Variants in TNFRSF11A observed in about 807,000 individuals in gnomAD.
TNFRSF11A encodes tumor necrosis factor receptor superfamily member 11A.
TNFRSF11A carries 32 observed loss-of-function variants against 55.7 expected under a neutral mutation model. The observed-to-expected ratio is 0.57, with a 90% CI of 0.43 to 0.77. The LOEUF (loss-of-function observed/expected upper bound fraction) is 0.77, where lower values mean the gene tolerates loss of function less well. Among genes scored for constraint, TNFRSF11A ranks in the 30% least tolerant of loss-of-function variants. The probability of loss-of-function intolerance (pLI) is 0.00; values close to 1 mark genes in which losing one functional copy is unlikely to be tolerated. For synonymous variants in TNFRSF11A, 311 were observed against 331.0 expected (o/e 0.94, Z 0.65); for missense variants, 753 against 809.8 (o/e 0.93, Z 0.85).
intron 6 of TNFRSF11A, 97 bp from the exon 7 acceptor site, chr18:62,361,583 T>C: frequency 8.1e-7 from 1 of 1,239,778 alleles, no homozygotes; most frequent in Non-Finnish European, 1.2e-6. Flanking sequence ...CAGACCAACA[T>C]TTTTGATTCT....
intron 9 of TNFRSF11A, among the ~76,000 whole-genome samples, chr18:62,370,714 G>A (rs901117989): frequency 2.0e-5 from 3 of 152,122 alleles, no homozygotes; most frequent in Non-Finnish European, 2.9e-5. Flanking sequence ...CAAAGAACTG[G>A]TATGTTTTCT....
chr18:62,348,058 CAAAAAAAAAAAAA>C (rs201661953), intron 1 of TNFRSF11A, 97 bp from the exon 2 acceptor site: 1 of 639,208 alleles, frequency 1.6e-6, no homozygotes, highest in Non-Finnish European at 2.7e-6. Flanking sequence ...AAACTCCATT[CAAAAAAAAAAAAA>C]AAAAAAAAGT....
Position 62,368,914 on chromosome 18 carries a change from A to C in TNFRSF11A, c.997A>C (p.Thr333Pro), listed in dbSNP as rs1422506456. ...DARMLSLVSK[T>P]EIEEDSFRQM... ...CAGGATGCTCTCATTGGTCAGCAAG[A>C]CCGAGATAGAGGAAGACAGCTTCAG... Residue 333 changes from threonine to proline, a missense_variant, in exon 9 of 10, where the codon ACC becomes CCC. This residue lies in a region of TNFRSF11A where 567 missense variants were observed against 596.7 expected (regional missense o/e 0.95). Transcript: ENST00000586569. 1 of 1,614,246 alleles carries C rather than the reference A, an allele frequency of 6.2e-7. No individual in the cohort carries two copies. Among genetic ancestry groups the C allele is most frequent in the Admixed American group, 1.7e-5 (1 of 60,028 alleles).
intron 3 of TNFRSF11A, among the ~76,000 whole-genome samples, chr18:62,352,675 GA>G (rs2046490940): frequency 6.6e-6 from 1 of 152,238 alleles, no homozygotes; most frequent in African/African-American, 2.4e-5. Context: ...GAATTTTCCA[GA>G]GAAGTGGCAT....
At chr18:62,366,594 A>G (rs1910102637) in intron 7 of TNFRSF11A, 114 bp from the exon 8 acceptor site, 4 of 1,118,332 alleles carry the variant, frequency 3.6e-6, no homozygotes, top group Admixed American at 1.7e-5. Flanking sequence ...TTTACTATCT[A>G]TATTTGTCCT....
rs547088539 is a variant in TNFRSF11A, at chr18:62,369,213, G to A, written c.1296G>A (p.Pro432=). Residue 432 remains proline (P), a synonymous_variant, in exon 9 of 10, where the codon CCG becomes CCA. Coordinates refer to ENST00000586569, the MANE Select transcript of TNFRSF11A (RefSeq NM_003839.4). The stretch of plus-strand genomic sequence containing the variant: ...AAGAGGTGGACAGTGGCCATTGCCC[G>A]CACTGGGCAGCCAGCCCCAGCCCCA... The part of the protein sequence containing the change: ...LQKEVDSGHC[P]HWAASPSPNW... 49 of 1,613,792 alleles carry A rather than the reference G, an allele frequency of 3.0e-5. 1 individual carries two copies. The highest frequency in any genetic ancestry group is 1.7e-4 in the Middle Eastern group (1 of 6,060).
At chr18:62,357,097 C>T (rs1408172134) in intron 4 of TNFRSF11A, among the ~76,000 whole-genome samples, 1 of 152,148 alleles carries the variant, frequency 6.6e-6, no homozygotes. Flanking sequence ...GGTGAAGGAG[C>T]GGGTACCCTA....
rs573357846 is a variant in TNFRSF11A, at chr18:62,378,492, G to C, written c.1568-6259G>C. ...TCCTCTAACAAGACAGGGATGGAAA[G>C]ATAATACTACTCTTCAGTGTATTTC... On this transcript the variant is annotated intron_variant, in intron 9 of 9. Transcript: ENST00000586569. Among the ~76,000 whole-genome samples, 20 of 152,342 alleles carry C rather than the reference G, an allele frequency of 1.3e-4. No individual in the cohort carries two copies. The South Asian group carries it at 3.5e-3, about 27-fold the overall frequency.
chr18:62,325,536 C>A lies in TNFRSF11A; in HGVS notation c.75+109C>A. On this transcript the variant is annotated intron_variant, in intron 1 of 9. Transcript: ENST00000586569. This position sits in a 1 kb window ranked among gnomAD's most constrained non-coding sequence, Gnocchi z 4.7. Reference sequence around the variant, plus strand: ...GGCTCCTCCGCCTTCCGAGAGGAGCCGGAGTTTTGGGGAGCGGAGGCCGTG... The same window carrying A: ...GGCTCCTCCGCCTTCCGAGAGGAGCAGGAGTTTTGGGGAGCGGAGGCCGTG... 1 of 682,698 alleles carries A rather than the reference C, an allele frequency of 1.5e-6. No homozygotes were observed. The allele number at this position is 682,698 out of a possible 1,614,324, so 42.3% of individuals were successfully genotyped here. A position where few individuals can be genotyped will look rare whatever the true frequency, so the allele number is the denominator to read the frequency against.
intron 1 of TNFRSF11A, among the ~76,000 whole-genome samples, chr18:62,329,146 A>G (rs2046115172): frequency 3.3e-5 from 5 of 152,098 alleles, no homozygotes; most frequent in Non-Finnish European, 7.4e-5. Context: ...TGTTTTTCCC[A>G]CATGCTGTAT....
At chr18:62,335,008 A>C (rs980290398) in intron 1 of TNFRSF11A, among the ~76,000 whole-genome samples, 1 of 152,044 alleles carries the variant, frequency 6.6e-6, no homozygotes, top group African/African-American at 2.4e-5. Context: ...ACCTTAACCT[A>C]TTAACTTCTG....
chr18:62,355,183 A>AT (rs1172211082), intron 4 of TNFRSF11A, among the ~76,000 whole-genome samples: 1 of 152,072 alleles, frequency 6.6e-6, no homozygotes, highest in Non-Finnish European at 1.5e-5. Context: ...ATCCTGATAT[A>AT]TTTTTTATGC....
intron 1 of TNFRSF11A, among the ~76,000 whole-genome samples, chr18:62,328,290 A>C (rs1002312233): frequency 6.6e-6 from 1 of 152,138 alleles, no homozygotes; most frequent in Non-Finnish European, 1.5e-5. Flanking sequence ...GGGTTTCCCA[A>C]GTGGTCTTGG....
intron 9 of TNFRSF11A, among the ~76,000 whole-genome samples, 156 bp downstream of exon 9, chr18:62,369,640 G>C (rs1910385350): frequency 6.6e-6 from 1 of 152,240 alleles, no homozygotes; most frequent in Non-Finnish European, 1.5e-5. Context: ...GATGGCTTTG[G>C]ATTCAGTCCA....
intron 9 of TNFRSF11A, among the ~76,000 whole-genome samples, chr18:62,377,014 T>C (rs544323081): frequency 6.6e-5 from 10 of 152,078 alleles, no homozygotes; most frequent in Admixed American, 2.0e-4. Context: ...TCCGGGTTCA[T>C]GCCATTCTCC....
rs1206865550 is a variant in TNFRSF11A, at chr18:62,384,935, C to T, written c.1752C>T (p.Asn584=). 3 of 1,543,884 alleles carry T rather than the reference C, an allele frequency of 1.9e-6. No individual in the cohort carries two copies. Among genetic ancestry groups the T allele is most frequent in the East Asian group, 2.4e-5 (1 of 41,228 alleles). Residue 584 remains asparagine, a synonymous_variant, in exon 10 of 10, where the codon AAC becomes AAT. Coordinates refer to ENST00000586569, the MANE Select transcript of TNFRSF11A (RefSeq NM_003839.4). ...CGCGCCGAGACTCCTTCGCGGGGAA[C>T]GGCCCGCGCTTCCCGGACCCGTGCG... The part of the protein sequence containing the change: ...TLARRDSFAG[N]GPRFPDPCGG...
intron 9 of TNFRSF11A, among the ~76,000 whole-genome samples, chr18:62,377,749 ATTG>A (rs1568495322): frequency 6.6e-6 from 1 of 151,916 alleles, no homozygotes; most frequent in African/African-American, 2.4e-5. Context: ...TTGTTTTCTT[ATTG>A]TTGAGTTTTA....
chr18:62,362,907 G>A (rs1294822044), intron 7 of TNFRSF11A, among the ~76,000 whole-genome samples: 1 of 152,028 alleles, frequency 6.6e-6, no homozygotes, highest in African/African-American at 2.4e-5. Context: ...GTAGTGGCAC[G>A]ATCTCGACTC....
At chr18:62,360,078 T>C in intron 6 of TNFRSF11A, 29 bp downstream of exon 6, 1 of 1,597,682 alleles carries the variant, frequency 6.3e-7, no homozygotes, top group Non-Finnish European at 8.6e-7. Flanking sequence ...TGTTGGTTGA[T>C]AGATGTGCCC....
Sources: allele counts gnomAD v4.1 joint callset (sites outside exome capture counted in the v4.1 genomes callset), GRCh38; gene constraint gnomAD v4.1.1; regional missense constraint gnomAD v4.1.1; non-coding constraint Gnocchi (gnomAD v3.1); transcripts MANE v1.5; gene names NCBI Gene and HGNC (gene_info 2026-07-23, HGNC 2026-07-21).